Variants in SEMA5A observed in about 807,000 individuals in gnomAD.
The protein encoded by SEMA5A is semaphorin 5A.
Under a neutral mutation model 135.5 loss-of-function variants are expected in SEMA5A, and 55 were observed. That is an observed-to-expected ratio of 0.41 (90% CI 0.33 to 0.51). The LOEUF (loss-of-function observed/expected upper bound fraction) is 0.51. Among genes scored for constraint, SEMA5A ranks in the 20% least tolerant of loss-of-function variants. The pLI, the probability that SEMA5A is intolerant of heterozygous loss-of-function variation, is 0.37. For synonymous variants in SEMA5A, 580 were observed against 546.5 expected, an observed-to-expected ratio of 1.06 and a Z score of -0.85; for missense variants, 1,290 against 1,419.9, an observed-to-expected ratio of 0.91 and a Z score of 1.47.
At chr5:9,445,059 T>C (rs1228683819) in intron 1 of SEMA5A, among the ~76,000 whole-genome samples, 3 of 152,220 alleles carry the variant, frequency 2.0e-5, no homozygotes, top group Non-Finnish European at 2.9e-5. Flanking sequence ...CAGATCGTTA[T>C]AGATATCCAA....
intron 3 of SEMA5A, among the ~76,000 whole-genome samples, chr5:9,374,542 G>A (rs543486221): frequency 2.0e-5 from 3 of 152,150 alleles, no homozygotes; most frequent in South Asian, 2.1e-4. Context: ...AAGCGTTCAC[G>A]GGGAGTCGCA....
At chr5:9,497,054 A>G (rs1229746261) in intron 1 of SEMA5A, among the ~76,000 whole-genome samples, 1 of 152,214 alleles carries the variant, frequency 6.6e-6, no homozygotes, top group Non-Finnish European at 1.5e-5. Context: ...TACAAATGCA[A>G]TGCCTTATTA....
At chr5:9,296,590 T>G (rs1255460455) in intron 5 of SEMA5A, among the ~76,000 whole-genome samples, 1 of 152,182 alleles carries the variant, frequency 6.6e-6, no homozygotes, top group Non-Finnish European at 1.5e-5. Flanking sequence ...TTTTTAATTA[T>G]GTATTTCATA....
intron 5 of SEMA5A, among the ~76,000 whole-genome samples, chr5:9,251,823 G>A (rs1358678799): frequency 6.6e-6 from 1 of 152,168 alleles, no homozygotes; most frequent in Admixed American, 6.5e-5. Flanking sequence ...CTCCTGATGG[G>A]GAAGATGGCT....
At chr5:9,259,012 G>C (rs976202592) in intron 5 of SEMA5A, among the ~76,000 whole-genome samples, 7 of 151,736 alleles carry the variant, frequency 4.6e-5, no homozygotes, top group African/African-American at 7.3e-5. Flanking sequence ...GGTAGAGGTG[G>C]GGTTTCACCA....
At position 9,545,129 on chromosome 5, in the gene SEMA5A, C is replaced by A. The variant is rs1738311498; in HGVS notation, c.-175+455G>T. Reference sequence around the variant, plus strand: ...TGTAAGGAAAGCAGGAAAACCTGCCCAAGCCGGTGGGGCTGCGAGGTGGCC... The same window carrying A: ...TGTAAGGAAAGCAGGAAAACCTGCCAAAGCCGGTGGGGCTGCGAGGTGGCC... On this transcript the variant is annotated intron_variant, in intron 1 of 22. Coordinates refer to ENST00000382496, the MANE Select transcript of SEMA5A (RefSeq NM_003966.3). The surrounding 1 kb of genome is among the most constrained non-coding windows in gnomAD (Gnocchi z 4.5). 6.6e-6 allele frequency among the ~76,000 whole-genome samples: 1 copy of A among 152,146 alleles called. No individual in the cohort carries two copies. Among genetic ancestry groups the A allele is most frequent in the Non-Finnish European group, 1.5e-5 (1 of 68,020 alleles).
At chr5:9,184,260 T>A (rs1427265822) in intron 11 of SEMA5A, among the ~76,000 whole-genome samples, 1 of 151,920 alleles carries the variant, frequency 6.6e-6, no homozygotes, top group Non-Finnish European at 1.5e-5. Flanking sequence ...TTTTTAGTTT[T>A]TTTTTTCCTC....
At chr5:9,502,933 A>G (rs73036795) in intron 1 of SEMA5A, among the ~76,000 whole-genome samples, 1,578 of 152,332 alleles carry the variant, frequency 0.01, 25 homozygotes, top group African/African-American at 0.036. Flanking sequence ...ATATTTTCCC[A>G]AAGGGATGGT....
In SEMA5A at chr5:9,250,747, G is replaced by A. The variant is rs1166860716; in HGVS notation, c.271-12857C>T. On this transcript the variant is annotated intron_variant, in intron 5 of 22. Transcript: ENST00000382496. The stretch of plus-strand genomic sequence containing the variant: ...TTTGGAATTCTGTGTCCTAAGTCAA[G>A]CAAATAAGATATAAAAAATTACACA... Among the ~76,000 whole-genome samples, 3 of 152,022 alleles carry A rather than the reference G, an allele frequency of 2.0e-5. No homozygotes were observed. In the East Asian group the frequency reaches 5.8e-4, roughly 29 times the overall value.
intron 14 of SEMA5A, 139 bp from the exon 15 acceptor site, chr5:9,119,280 G>T: frequency 1.1e-6 from 1 of 934,616 alleles, no homozygotes; most frequent in South Asian, 1.6e-5. Flanking sequence ...CCAGCCAGGG[G>T]ACTGAATGGA....
chr5:9,384,647 G>GATAGATAGAT (rs1561208127), intron 2 of SEMA5A, among the ~76,000 whole-genome samples: 7 of 69,496 alleles, frequency 1.0e-4, no homozygotes, highest in Admixed American at 4.2e-4. Context: ...TAGATAGATA[G>GATAGATAGAT]ATAGATAGAT....
intron 11 of SEMA5A, among the ~76,000 whole-genome samples, chr5:9,186,976 T>A (rs1412681782): frequency 1.3e-5 from 2 of 152,198 alleles, no homozygotes; most frequent in East Asian, 1.9e-4. Context: ...CGCTTCTATA[T>A]CAGTTTTAAA....
At chr5:9,540,680 G>C (rs1021473888) in intron 1 of SEMA5A, among the ~76,000 whole-genome samples, 1 of 152,198 alleles carries the variant, frequency 6.6e-6, no homozygotes, top group Admixed American at 6.5e-5. Flanking sequence ...ACGGAAGCCA[G>C]TTGTGATTCT....
chr5:9,315,617 G>A (rs919452217), intron 5 of SEMA5A, among the ~76,000 whole-genome samples: 2 of 152,112 alleles, frequency 1.3e-5, no homozygotes, highest in African/African-American at 4.8e-5. Context: ...CGTGATATCT[G>A]AAGGGTAGAG....
chr5:9,524,320 G>A (rs1737005047), intron 1 of SEMA5A, among the ~76,000 whole-genome samples: 1 of 152,104 alleles, frequency 6.6e-6, no homozygotes, highest in African/African-American at 2.4e-5. Context: ...ATGTGAGAAC[G>A]GACTAATACA....
intron 22 of SEMA5A, among the ~76,000 whole-genome samples, chr5:9,043,884 C>T (rs949024148): frequency 6.6e-6 from 1 of 152,238 alleles, no homozygotes; most frequent in Non-Finnish European, 1.5e-5. Context: ...TGGAATCATG[C>T]TCAGAGGAGC....
intron 5 of SEMA5A, among the ~76,000 whole-genome samples, chr5:9,297,572 G>C (rs1008292533): frequency 6.6e-6 from 1 of 152,006 alleles, no homozygotes; most frequent in Non-Finnish European, 1.5e-5. Context: ...ACTTGTTTTT[G>C]AGAGAGTATC....
intron 1 of SEMA5A, among the ~76,000 whole-genome samples, chr5:9,495,722 C>A (rs1025912219): frequency 6.6e-6 from 1 of 152,164 alleles, no homozygotes; most frequent in Non-Finnish European, 1.5e-5. Flanking sequence ...CAGAGCAAAC[C>A]CATTTTCTTT....
intron 1 of SEMA5A, among the ~76,000 whole-genome samples, chr5:9,539,793 A>T (rs948582052): frequency 2.6e-5 from 4 of 152,200 alleles, no homozygotes; most frequent in African/African-American, 9.7e-5. Flanking sequence ...CACAGAAATT[A>T]TATTTATGCT....
Sources: gnomAD v4.1 joint callset for allele counts (sites outside exome capture counted in the v4.1 genomes callset) on GRCh38, gnomAD v4.1.1 for gene constraint, Gnocchi (gnomAD v3.1) non-coding constraint, MANE v1.5 for transcripts, NCBI Gene and HGNC (gene_info 2026-07-23, HGNC 2026-07-21) for gene names.